Variants in PCP4 observed in about 807,000 individuals in gnomAD.
The protein encoded by PCP4 is Purkinje cell protein 4.
A neutral mutation model predicts 10.0 loss-of-function variants in PCP4; 8 were observed. The ratio of observed to expected loss-of-function variants is 0.80; its 90% CI spans 0.47 to 1.45. PCP4 has a LOEUF of 1.45. Among genes scored for constraint, PCP4 ranks in the 40% most tolerant of loss-of-function variants. The pLI, the probability that PCP4 is intolerant of heterozygous loss-of-function variation, is 0.00. For synonymous variants in PCP4, 21 were observed against 23.0 expected (o/e 0.91, Z 0.24); for missense variants, 54 against 74.4 (o/e 0.73, Z 1.01).
chr21:39,908,701 C>G (rs1156481717), intron 2 of PCP4, among the ~76,000 whole-genome samples: 1 of 151,980 alleles, frequency 6.6e-6, no homozygotes, highest in Admixed American at 6.5e-5. Context: ...GGTGGGAGTG[C>G]CCGCGGCTCC....
intron 1 of PCP4, among the ~76,000 whole-genome samples, chr21:39,893,933 C>T (rs545520144): frequency 1.1e-4 from 16 of 152,114 alleles, no homozygotes; most frequent in Non-Finnish European, 1.6e-4. Context: ...GCACCAGGGA[C>T]GCTGATTTCA....
At chr21:39,900,059 A>T (rs1182146068) in intron 2 of PCP4, among the ~76,000 whole-genome samples, 1 of 152,062 alleles carries the variant, frequency 6.6e-6, no homozygotes, top group Non-Finnish European at 1.5e-5. Flanking sequence ...TTTGAGACAG[A>T]GTTTCACTCT....
intron 2 of PCP4, among the ~76,000 whole-genome samples, chr21:39,919,220 G>A (rs1337986622): frequency 6.6e-6 from 1 of 152,184 alleles, no homozygotes; most frequent in African/African-American, 2.4e-5. Context: ...CGGTGTGGCC[G>A]AGGGGATCCC....
chr21:39,892,747 A>C (rs2087438995), intron 1 of PCP4, among the ~76,000 whole-genome samples: 1 of 152,174 alleles, frequency 6.6e-6, no homozygotes, highest in Admixed American at 6.5e-5. Context: ...TTTAAAGTGT[A>C]CAGTTATTAT....
chr21:39,904,335 C>A (rs2087496393), intron 2 of PCP4, among the ~76,000 whole-genome samples: 1 of 152,168 alleles, frequency 6.6e-6, no homozygotes, highest in African/African-American at 2.4e-5. Context: ...GACCTACGTG[C>A]TGACTTAGGC....
At chr21:39,926,763 A>T (rs540879687) in intron 2 of PCP4, among the ~76,000 whole-genome samples, 7 of 152,270 alleles carry the variant, frequency 4.6e-5, no homozygotes, top group African/African-American at 1.7e-4. Flanking sequence ...CTTTTAAAAC[A>T]TCTACTTGAG....
chr21:39,867,637 C>T, intron 1 of PCP4, 127 bp downstream of exon 1: 1 of 939,240 alleles, frequency 1.1e-6, no homozygotes, highest in Non-Finnish European at 1.8e-6. Flanking sequence ...TAATTATTTG[C>T]TTGGAGAACT....
At chr21:39,907,284 G>C (rs958364970) in intron 2 of PCP4, among the ~76,000 whole-genome samples, 2 of 152,054 alleles carry the variant, frequency 1.3e-5, no homozygotes, top group Admixed American at 6.6e-5. Flanking sequence ...GATACCCTTA[G>C]AGCAACCACA....
intron 2 of PCP4, chr21:39,926,249 A>G (rs2087620845): frequency 3.4e-6 from 1 of 297,268 alleles, no homozygotes; most frequent in Admixed American, 4.3e-5. Context: ...TCAATCAGTC[A>G]CTTTTGGCTG....
chr21:39,871,936 A>G (rs1369530680), intron 1 of PCP4, among the ~76,000 whole-genome samples: 1 of 152,192 alleles, frequency 6.6e-6, no homozygotes, highest in Non-Finnish European at 1.5e-5. Context: ...CAAGATGAAA[A>G]GAAAACATGT....
At position 39,909,360 on chromosome 21, in the gene PCP4, T is replaced by C. The variant is rs148165891; in HGVS notation, c.61+10833T>C. Among the ~76,000 whole-genome samples, 125 of 152,340 alleles carry C rather than the reference T, an allele frequency of 8.2e-4. No homozygotes were observed. In the East Asian group the frequency reaches 0.017, roughly 21 times the overall value. On this transcript the variant is annotated intron_variant, in intron 2 of 2. Coordinates refer to ENST00000328619, the MANE Select transcript of PCP4 (RefSeq NM_006198.3). ...GTGTCGCTGCTCTGTTTTTCTGACA[T>C]GTTATTTCCTTCAGTCTCATCATGA...
At chr21:39,907,330 G>T (rs2087516938) in intron 2 of PCP4, among the ~76,000 whole-genome samples, 1 of 152,070 alleles carries the variant, frequency 6.6e-6, no homozygotes, top group Non-Finnish European at 1.5e-5. Flanking sequence ...AGTCCCCAGG[G>T]TCACCCAAGA....
intron 2 of PCP4, among the ~76,000 whole-genome samples, chr21:39,914,309 G>A (rs1054610074): frequency 3.3e-5 from 5 of 152,108 alleles, no homozygotes; most frequent in African/African-American, 4.8e-5. Flanking sequence ...GGCCAGGCGT[G>A]GTGGCTCATG....
rs1047619658 is a variant in PCP4, at chr21:39,906,246, C to G, written c.61+7719C>G. ...TCTATTTACACTTTCTCCTGACTTCCCTCTTGACCAGGGTCTTGTTTGTAA... is the reference window on the plus strand; with the variant it reads ...TCTATTTACACTTTCTCCTGACTTCGCTCTTGACCAGGGTCTTGTTTGTAA... On this transcript the variant is annotated intron_variant, in intron 2 of 2. Coordinates refer to ENST00000328619, the MANE Select transcript of PCP4 (RefSeq NM_006198.3). The surrounding 1 kb of genome is among the most constrained non-coding windows in gnomAD (Gnocchi z 6.3). Among the ~76,000 whole-genome samples, 1 of 152,174 alleles carries G rather than the reference C, an allele frequency of 6.6e-6. No individual in the cohort carries two copies. The highest frequency in any genetic ancestry group is 2.4e-5 in the African/African-American group (1 of 41,422).
intron 2 of PCP4, among the ~76,000 whole-genome samples, chr21:39,924,070 G>A (rs528669066): frequency 6.6e-6 from 1 of 152,306 alleles, no homozygotes; most frequent in Admixed American, 6.5e-5. Flanking sequence ...CATGCGGGCG[G>A]CCATGATGGA....
chr21:39,870,184 C>T (rs1394096704), intron 1 of PCP4, among the ~76,000 whole-genome samples: 4 of 152,220 alleles, frequency 2.6e-5, no homozygotes, highest in Admixed American at 1.3e-4. Context: ...TACAACAAGA[C>T]GTCTTCTTTA....
intron 2 of PCP4, among the ~76,000 whole-genome samples, chr21:39,900,376 C>T (rs1190137378): frequency 6.6e-5 from 10 of 152,082 alleles, no homozygotes; most frequent in Admixed American, 2.6e-4. Flanking sequence ...TTAAAGAATT[C>T]TTGAGGACCC....
At position 39,868,047 on chromosome 21, in the gene PCP4, A is replaced by G. The variant is rs540851904; in HGVS notation, c.9+537A>G. On this transcript the variant is annotated intron_variant, in intron 1 of 2. Coordinates refer to ENST00000328619, the MANE Select transcript of PCP4 (RefSeq NM_006198.3). ...TAGGAACTGGGAAACATCCGTGTGT[A>G]TAGATCTGTGGCTCTAAGACCGGAG... Among the ~76,000 whole-genome samples, 152 of 152,332 alleles carry G rather than the reference A, an allele frequency of 1.0e-3. 1 individual carries two copies. In the South Asian group the frequency reaches 0.028, roughly 28 times the overall value.
At chr21:39,914,925 C>T (rs527261598) in intron 2 of PCP4, among the ~76,000 whole-genome samples, 1 of 152,204 alleles carries the variant, frequency 6.6e-6, no homozygotes. Flanking sequence ...CAGGGAATAT[C>T]AGAGAAAAAG....
Sources: allele counts gnomAD v4.1 joint callset (sites outside exome capture counted in the v4.1 genomes callset), GRCh38; gene constraint gnomAD v4.1.1; non-coding constraint Gnocchi (gnomAD v3.1); transcripts MANE v1.5; gene names NCBI Gene and HGNC (gene_info 2026-07-23, HGNC 2026-07-21).